Variants in ERV3-1 observed in about 807,000 individuals in gnomAD.
The protein encoded by ERV3-1 is endogenous retrovirus group 3 member 1, envelope, also known as endogenous retrovirus group 3 member 1 Env polyprotein.
In ERV3-1, 36 loss-of-function variants were observed where a neutral mutation model predicts 24.6. The observed-to-expected ratio is 1.47, with a 90% CI of 1.12 to 1.94. The LOEUF (loss-of-function observed/expected upper bound fraction) is 1.94, where lower values mean the gene tolerates loss of function less well. Among genes scored for constraint, ERV3-1 ranks in the 30% most tolerant of loss-of-function variants. ERV3-1 has a pLI of 0.00. For synonymous variants in ERV3-1, 211 were observed against 122.6 expected, an observed-to-expected ratio of 1.72 and a Z score of -4.76; for missense variants, 578 against 330.9, an observed-to-expected ratio of 1.75 and a Z score of -5.79.
At chr7:65,004,776 C>G (rs1323833533) in intron 1 of ERV3-1, 1 of 152,142 alleles carries the variant, frequency 6.6e-6, no homozygotes, top group Non-Finnish European at 1.5e-5. Flanking sequence ...AGTGACCACC[C>G]TCTCCAGAGA....
Position 64,992,248 on chromosome 7 carries a change from T to G in ERV3-1, c.779A>C (p.His260Pro), listed in dbSNP as rs376614026. 2 of 766,302 alleles carry G rather than the reference T, an allele frequency of 2.6e-6. No individual in the cohort carries two copies. Among genetic ancestry groups the G allele is most frequent in the Non-Finnish European group, 4.8e-6 (2 of 417,918 alleles). 47.5% of individuals were successfully genotyped at this position (766,302 alleles called of 1,614,324 possible). The change falls in exon 2 of 2, where the codon CAT (histidine) becomes CCT (proline). Residue 260 changes from histidine (H) to proline (P), a missense_variant. His to Pro is a moderately conservative substitution (Grantham distance 77, BLOSUM62 -2). Coordinates refer to ENST00000394323, the MANE Select transcript of ERV3-1 (RefSeq NM_001007253.4). ...GGGCTCAGGCAATTTCTGGTTAACA[T>G]GCTCATAGAATGACTCAAAAACTCG... ...QFRVFESFYE[H>P]VNQKLPEPPP...
chr7:64,996,749 C>T (rs1460606930), intron 1 of ERV3-1, among the ~76,000 whole-genome samples: 2 of 152,170 alleles, frequency 1.3e-5, no homozygotes, highest in African/African-American at 4.8e-5. Flanking sequence ...CCCTGTAGCC[C>T]CAACAATAGT....
At chr7:64,993,684 C>T (rs908102555) in intron 1 of ERV3-1, among the ~76,000 whole-genome samples, 1 of 151,248 alleles carries the variant, frequency 6.6e-6, no homozygotes, top group Non-Finnish European at 1.5e-5. Context: ...GGATGGCTTG[C>T]CGAACAGTAT....
At chr7:64,999,191 G>A (rs1314776956) in intron 1 of ERV3-1, among the ~76,000 whole-genome samples, 1 of 152,166 alleles carries the variant, frequency 6.6e-6, no homozygotes, top group Non-Finnish European at 1.5e-5. Context: ...GTCAGGGAGG[G>A]GCGCCGGGTC....
rs1172869473 is a variant in ERV3-1, at chr7:65,002,104, A to G, written c.-389+4437T>C. Among the ~76,000 whole-genome samples the G allele has an allele frequency of 2.0e-5, 3 of 152,208 alleles. No homozygotes were observed. The East Asian group carries it at 5.8e-4, about 29-fold the overall frequency. On this transcript the variant is annotated intron_variant, in intron 1 of 1. Coordinates refer to ENST00000394323, the MANE Select transcript of ERV3-1 (RefSeq NM_001007253.4). ...TAGGACAAAGAAAAGACGTGGGGAA[A>G]GATGAAGCACATAGATAATCCTGGT... is the stretch of plus-strand genomic sequence containing the variant.
Position 64,991,696 on chromosome 7 carries a change from G to A in ERV3-1, c.1331C>T (p.Pro444Leu), listed in dbSNP as rs185422600. The A allele has an allele frequency of 1.2e-4, 86 of 747,692 alleles. No individual in the cohort carries two copies. The highest frequency in any genetic ancestry group is 4.0e-4 in the Admixed American group (22 of 55,180). 46.3% of individuals were successfully genotyped at this position (747,692 alleles called of 1,614,324 possible). Residue 444 changes from proline (P) to leucine (L), a missense_variant, in exon 2 of 2, where the codon CCG becomes CTG. Pro to Leu is a moderately conservative substitution (Grantham distance 98, BLOSUM62 -3). Transcript: ENST00000394323. The stretch of plus-strand genomic sequence containing the variant: ...TTTTAGGGGCATTAGGAAGAAGGAC[G>A]GCCTAATTGTCCCCAGTACACAGGC... The part of the protein sequence containing the change: ...SGACVLGTIR[P>L]SFFLMPLKQG...
intron 1 of ERV3-1, among the ~76,000 whole-genome samples, chr7:65,000,181 T>C: frequency 2.6e-5 from 1 of 38,462 alleles, no homozygotes. Context: ...ATAAAGAAAG[T>C]ATGGTATGGC....
chr7:64,999,641 T>C lies in ERV3-1; in HGVS notation c.-388-6227A>G, dbSNP rs1786477116. ...AGCATGTCTTGTGACCTTGCCGTGC[T>C]ACAGAAAGAAAAACAGGAACTTATG... On this transcript the variant is annotated intron_variant, in intron 1 of 1. Coordinates refer to ENST00000394323, the MANE Select transcript of ERV3-1 (RefSeq NM_001007253.4). Among the ~76,000 whole-genome samples, 3 of 152,240 alleles carry C rather than the reference T, an allele frequency of 2.0e-5. No homozygotes were observed. The South Asian group carries it at 6.2e-4, about 31-fold the overall frequency.
chr7:65,000,854 G>A (rs887591546), intron 1 of ERV3-1, among the ~76,000 whole-genome samples: 4 of 152,110 alleles, frequency 2.6e-5, no homozygotes, highest in East Asian at 1.9e-4. Context: ...AATGAATACC[G>A]TGTGGCCATA....
intron 1 of ERV3-1, among the ~76,000 whole-genome samples, chr7:65,003,464 G>A (rs944258941): frequency 6.6e-6 from 1 of 152,110 alleles, no homozygotes; most frequent in Non-Finnish European, 1.5e-5. Context: ...CTGGGCAACA[G>A]AGCAAGGCTC....
In ERV3-1 at chr7:64,992,118, T is replaced by G. The variant is rs753219124; in HGVS notation, c.909A>C (p.Gln303His). Residue 303 changes from glutamine (Q) to histidine (H), a missense_variant, in exon 2 of 2, where the codon CAA becomes CAC. Physicochemically the swap from Gln to His is conservative, Grantham distance 24. Coordinates refer to ENST00000394323, the MANE Select transcript of ERV3-1 (RefSeq NM_001007253.4). ...YVCGGMNMGD[Q>H]WPWEARELMP... The stretch of plus-strand genomic sequence containing the variant: ...TTAGTTCCCTTGCTTCCCATGGCCA[T>G]TGGTCTCCCATGTTCATTCCCCCAC... 1 of 766,284 alleles carries G rather than the reference T, an allele frequency of 1.3e-6. No individual in the cohort carries two copies. The highest frequency in any genetic ancestry group is 1.3e-5 in the South Asian group (1 of 74,628). 47.5% of individuals were successfully genotyped at this position (766,284 alleles called of 1,614,324 possible).
At chr7:64,997,974 C>A (rs982774662) in intron 1 of ERV3-1, among the ~76,000 whole-genome samples, 1 of 152,204 alleles carries the variant, frequency 6.6e-6, no homozygotes, top group African/African-American at 2.4e-5. Context: ...ATCTGCCACA[C>A]TCTGGTGTGG....
chr7:65,005,787 G>A (rs1786633364), intron 1 of ERV3-1, among the ~76,000 whole-genome samples: 1 of 152,180 alleles, frequency 6.6e-6, no homozygotes, highest in South Asian at 2.1e-4. Flanking sequence ...CAATTAGACT[G>A]AGGTGGCTCC....
chr7:65,005,865 G>A (rs1021939310), intron 1 of ERV3-1, among the ~76,000 whole-genome samples: 3 of 152,088 alleles, frequency 2.0e-5, no homozygotes, highest in African/African-American at 7.2e-5. Context: ...TTACATTGGG[G>A]GAAAATAAAA....
chr7:64,999,227 G>A (rs1562655331), intron 1 of ERV3-1, among the ~76,000 whole-genome samples: 3 of 152,212 alleles, frequency 2.0e-5, no homozygotes, highest in Admixed American at 1.3e-4. Context: ...TCCCCTCCGG[G>A]TTGAAGGTCT....
rs1786278831 is a variant in ERV3-1, at chr7:64,992,010, G to A, written c.1017C>T (p.Ser339=). 1 of 766,296 alleles carries A rather than the reference G, an allele frequency of 1.3e-6. No individual in the cohort carries two copies. Among genetic ancestry groups the A allele is most frequent in the Non-Finnish European group, 2.4e-6 (1 of 417,904 alleles). The allele number at this position is 766,296 out of a possible 1,614,324, so 47.5% of individuals were successfully genotyped here. ...SSQSIWFLKT[S]IIGKFCIARW... ...GAGCAATACAGAATTTTCCAATAAT[G>A]GAGGTTTTTAAGAACCAGATGCTCT... The change falls in exon 2 of 2, where the codon TCC becomes TCT. Residue 339 remains serine (S), a synonymous_variant. Transcript: ENST00000394323.
At chr7:65,006,497 C>G in intron 1 of ERV3-1, 44 bp downstream of exon 1, 1 of 1,569,254 alleles carries the variant, frequency 6.4e-7, no homozygotes, top group Non-Finnish European at 8.8e-7. Flanking sequence ...CAGTTCCAAC[C>G]AGCCCCGCCC....
rs1248738091 is a variant in ERV3-1 at position 64,992,369 on chromosome 7, G to C, written c.658C>G (p.Leu220Val). Residue 220 changes from leucine (L) to valine (V), a missense_variant, in exon 2 of 2, where the codon CTA becomes GTA. Transcript: ENST00000394323. ...PIWTTGLKAP[L>V]GARVSGEEIG... is the part of the protein sequence containing the mutation. The stretch of plus-strand genomic sequence containing the variant: ...TCTTCACCGCTGACTCGTGCCCCTA[G>C]CGGTGCTTTTAAACCTGTTGTCCAT... 1 of 766,366 alleles carries C rather than the reference G, an allele frequency of 1.3e-6. No homozygotes were observed. The highest frequency in any genetic ancestry group is 2.4e-5 in the East Asian group (1 of 41,244). 47.5% of individuals were successfully genotyped at this position (766,366 alleles called of 1,614,324 possible).
chr7:65,006,302 C>T, intron 1 of ERV3-1: 1 of 645,922 alleles, frequency 1.5e-6, no homozygotes, highest in Non-Finnish European at 2.6e-6. Flanking sequence ...CCACAGAGGA[C>T]TCCAGAACAA....
Sources: allele counts gnomAD v4.1 joint callset (sites outside exome capture counted in the v4.1 genomes callset), GRCh38; gene constraint gnomAD v4.1.1; transcripts MANE v1.5; gene names NCBI Gene and HGNC (gene_info 2026-07-23, HGNC 2026-07-21).